The following SOD2 variants were observed in gnomAD, a reference collection of about 807,000 sequenced individuals.
SOD2 encodes superoxide dismutase 2.
SOD2 carries 11 observed loss-of-function variants against 27.0 expected under a neutral mutation model. The observed-to-expected ratio is 0.41, with a 90% CI of 0.26 to 0.67. SOD2 has a LOEUF of 0.67. Ranked by LOEUF, SOD2 falls within the 30% of genes least tolerant of loss-of-function variation. The pLI is 0.34. For missense variants in SOD2, 250 were observed against 274.5 expected (o/e 0.91, Z 0.63); for synonymous variants, 105 against 103.0 (o/e 1.02, Z -0.12).
chr6:159,748,430 G>C (rs756971122), upstream of SOD2: 18 of 1,591,870 alleles, frequency 1.1e-5, no homozygotes, highest in Non-Finnish European at 1.5e-5. The surrounding 1 kb of genome is among the most constrained non-coding windows in gnomAD (Gnocchi z 5.6). Flanking sequence ...AGAAAGCTGT[G>C]GTGGGACAGC....
chr6:159,692,184 CA>C (rs1777231597), intron 2 of SOD2: 2 of 283,606 alleles, frequency 7.1e-6, no homozygotes, highest in Non-Finnish European at 1.3e-5. Context: ...CACTCAGAGA[CA>C]CCTGCGGACC....
intron 1 of SOD2, among the ~76,000 whole-genome samples, chr6:159,724,157 T>G (rs993444700): frequency 6.6e-6 from 1 of 152,100 alleles, no homozygotes; most frequent in South Asian, 2.1e-4. Context: ...AAAAATTGTT[T>G]TAAATTTTTT....
intron 1 of SOD2, chr6:159,753,717 C>T (rs950186960): frequency 1.4e-6 from 2 of 1,380,486 alleles, no homozygotes; most frequent in Admixed American, 2.5e-5. Flanking sequence ...CATTGTTAAC[C>T]TCTGCCCTAT....
upstream of SOD2, among the ~76,000 whole-genome samples, chr6:159,693,668 G>A (rs1179758324): frequency 5.3e-5 from 8 of 152,318 alleles, no homozygotes; most frequent in South Asian, 6.2e-4. Context: ...GGGGCCGCGG[G>A]GTCCAGAGGC....
chr6:159,679,428 C>T lies in SOD2; in HGVS notation c.*3065G>A, dbSNP rs1018385333. The T allele has an allele frequency of 6.6e-6, 1 of 152,182 alleles. No homozygotes were observed. Among genetic ancestry groups the T allele is most frequent in the African/African-American group, 2.4e-5 (1 of 41,454 alleles). The allele number at this position is 152,182 out of a possible 1,614,324, so 9.4% of individuals were successfully genotyped here. A position where few individuals can be genotyped will look rare whatever the true frequency, so the allele number is the denominator to read the frequency against. On this transcript the variant is annotated 3_prime_UTR_variant, in exon 5 of 5. Transcript: ENST00000538183. ...GTGGTTTTAGATATGACTCAATATA[C>T]ATAGATTTTAACTTTATGGTTTGGT...
At chr6:159,726,026 G>C (rs41267779) in intron 1 of SOD2, 5,608 of 152,274 alleles carry the variant, frequency 0.037, 120 homozygotes, top group Non-Finnish European at 0.054. Context: ...ATGACAAATA[G>C]CACTGCAATA....
At chr6:159,721,588 G>A (rs565640018) in intron 1 of SOD2, among the ~76,000 whole-genome samples, 1 of 149,142 alleles carries the variant, frequency 6.7e-6, no homozygotes, top group South Asian at 2.1e-4. Context: ...GGCTGGTCTC[G>A]AACTCCCAAC....
At chr6:159,710,407 C>G (rs1024804005) in intron 1 of SOD2, among the ~76,000 whole-genome samples, 6 of 151,802 alleles carry the variant, frequency 4.0e-5, no homozygotes, top group African/African-American at 1.5e-4. Context: ...CAAGATCGTG[C>G]CACTGCACTC....
intron 1 of SOD2, among the ~76,000 whole-genome samples, chr6:159,756,686 C>T (rs1242861270): frequency 6.8e-6 from 1 of 147,650 alleles, no homozygotes; most frequent in Non-Finnish European, 1.5e-5. Flanking sequence ...ACTGCAGCCT[C>T]AAAGTCCTCG....
chr6:159,713,738 G>A, intron 1 of SOD2: 1 of 925,338 alleles, frequency 1.1e-6, no homozygotes, highest in Non-Finnish European at 1.8e-6. Context: ...TATTAGACTT[G>A]AATACTTCAA....
At chr6:159,719,889 AT>A in intron 1 of SOD2, among the ~76,000 whole-genome samples, 1 of 151,246 alleles carries the variant, frequency 6.6e-6, no homozygotes, top group South Asian at 2.1e-4. Context: ...TACCCGGCTA[AT>A]TTTTGTATTT....
intron 1 of SOD2, among the ~76,000 whole-genome samples, chr6:159,722,451 C>A (rs550483639): frequency 4.6e-5 from 7 of 152,274 alleles, no homozygotes; most frequent in Non-Finnish European, 1.0e-4. Flanking sequence ...AACTAATTTT[C>A]AGAGTATCAA....
At chr6:159,707,386 G>C (rs1777647516) in intron 1 of SOD2, among the ~76,000 whole-genome samples, 1 of 152,092 alleles carries the variant, frequency 6.6e-6, no homozygotes, top group African/African-American at 2.4e-5. Flanking sequence ...TACTAAAAAA[G>C]AAAAGAGAGA....
chr6:159,707,429 G>A (rs1424057760), intron 1 of SOD2, among the ~76,000 whole-genome samples: 1 of 152,136 alleles, frequency 6.6e-6, no homozygotes, highest in Admixed American at 6.6e-5. Flanking sequence ...AAATGTTAAA[G>A]GAGATATCAC....
intron 1 of SOD2, among the ~76,000 whole-genome samples, chr6:159,709,768 T>C (rs1242103653): frequency 6.6e-6 from 1 of 152,136 alleles, no homozygotes; most frequent in Non-Finnish European, 1.5e-5. Context: ...CATTACTAGG[T>C]ATATACCCAA....
chr6:159,729,122 A>G (rs1778409179), upstream of SOD2, among the ~76,000 whole-genome samples: 1 of 152,236 alleles, frequency 6.6e-6, no homozygotes, highest in African/African-American at 2.4e-5. Flanking sequence ...CATTGTCACA[A>G]TTTGTACAGT....
At chr6:159,722,046 G>A (rs891488041) in intron 1 of SOD2, among the ~76,000 whole-genome samples, 1 of 151,280 alleles carries the variant, frequency 6.6e-6, no homozygotes, top group African/African-American at 2.4e-5. Flanking sequence ...CATCAACTGG[G>A]TATAAACCAC....
At chr6:159,758,156 C>T (rs965744151) in intron 1 of SOD2, among the ~76,000 whole-genome samples, 1 of 151,856 alleles carries the variant, frequency 6.6e-6, no homozygotes, top group Admixed American at 6.6e-5. Context: ...TGGTATTACA[C>T]TTAACTGATT....
At chr6:159,755,636 A>G (rs763105925) in intron 1 of SOD2, 1 of 1,549,040 alleles carries the variant, frequency 6.5e-7, no homozygotes, top group South Asian at 1.2e-5. Flanking sequence ...ATTTTTATAC[A>G]GTGTCATTTA....
Sources: gnomAD v4.1 joint callset for allele counts (sites outside exome capture counted in the v4.1 genomes callset) on GRCh38, gnomAD v4.1.1 for gene constraint, Gnocchi (gnomAD v3.1) non-coding constraint, MANE v1.5 for transcripts, NCBI Gene and HGNC (gene_info 2026-07-23, HGNC 2026-07-21) for gene names.